LRIG1: variants seen among roughly 807,000 people sequenced by gnomAD.
LRIG1 encodes the protein leucine-rich repeats and immunoglobulin-like domains protein 1.
A neutral mutation model predicts 99.2 loss-of-function variants in LRIG1; 48 were observed. The ratio of observed to expected loss-of-function variants is 0.48; its 90% CI spans 0.38 to 0.62. LRIG1 has a LOEUF of 0.62. Ranked by LOEUF, LRIG1 falls within the 20% of genes least tolerant of loss-of-function variation. The probability of loss-of-function intolerance (pLI) is 0.00; values close to 1 mark genes in which losing one functional copy is unlikely to be tolerated. For missense variants in LRIG1, 1,646 were observed against 1,434.4 expected (o/e 1.15, Z -2.38); for synonymous variants, 772 against 596.1 (o/e 1.29, Z -4.30).
chr3:66,412,876 A>C lies in LRIG1; in HGVS notation c.786T>G (p.His262Gln). The change falls in exon 6 of 19, where the codon CAT (histidine) becomes CAG (glutamine). Residue 262 changes from histidine to glutamine, a missense_variant. Coordinates refer to ENST00000273261, the MANE Select transcript of LRIG1 (RefSeq NM_015541.3). ...DGAFWGLSKM[H>Q]VLHLEYNSLV... The stretch of plus-strand genomic sequence containing the variant: ...GTAACCTGGTCCGCACTTACAGCAC[A>C]TGCATCTTGGACAGTCCCCAGAAGG... 6.2e-7 allele frequency: 1 copy of C among 1,614,092 alleles called. No homozygotes were observed. The highest frequency in any genetic ancestry group is 8.5e-7 in the Non-Finnish European group (1 of 1,179,986).
intron 1 of LRIG1, among the ~76,000 whole-genome samples, chr3:66,493,710 T>C (rs1701156188): frequency 6.6e-6 from 1 of 151,990 alleles, no homozygotes; most frequent in Admixed American, 6.6e-5. Flanking sequence ...ATGGGAGGAC[T>C]GCTTGAGCCC....
chr3:66,393,105 C>G (rs967420383), intron 12 of LRIG1, among the ~76,000 whole-genome samples: 1 of 152,138 alleles, frequency 6.6e-6, no homozygotes, highest in Admixed American at 6.5e-5. Flanking sequence ...AGCAGGCACA[C>G]TGGCTACTCC....
chr3:66,392,686 C>T (rs912579180), intron 12 of LRIG1, among the ~76,000 whole-genome samples: 1 of 152,108 alleles, frequency 6.6e-6, no homozygotes, highest in Non-Finnish European at 1.5e-5. Context: ...TATGCCAGGG[C>T]CACAGGCTGG....
intron 1 of LRIG1, among the ~76,000 whole-genome samples, chr3:66,487,710 G>GT (rs1413921506): frequency 3.3e-5 from 5 of 152,284 alleles, no homozygotes; most frequent in Non-Finnish European, 7.3e-5. Flanking sequence ...GACCAAGTGA[G>GT]TAACAGGGAG....
chr3:66,456,093 T>C (rs1170553309), intron 2 of LRIG1, among the ~76,000 whole-genome samples: 1 of 152,226 alleles, frequency 6.6e-6, no homozygotes, highest in Non-Finnish European at 1.5e-5. Flanking sequence ...AGACATATCT[T>C]GGTTCACTCA....
intron 1 of LRIG1, among the ~76,000 whole-genome samples, chr3:66,487,738 C>T (rs1701007243): frequency 6.6e-6 from 1 of 152,172 alleles, no homozygotes; most frequent in African/African-American, 2.4e-5. Flanking sequence ...GACACTGACA[C>T]ACGAGGCTCG....
At chr3:66,455,508 C>T (rs1331197827) in intron 2 of LRIG1, among the ~76,000 whole-genome samples, 1 of 152,136 alleles carries the variant, frequency 6.6e-6, no homozygotes, top group Non-Finnish European at 1.5e-5. Context: ...CTCCACTATT[C>T]GTTTAACTGG....
At chr3:66,381,771 A>T (rs1701082491) in intron 16 of LRIG1, 140 bp from the exon 17 acceptor site, 2 of 924,824 alleles carry the variant, frequency 2.2e-6, no homozygotes, top group Admixed American at 4.9e-5. Flanking sequence ...TGGTCTGGCA[A>T]GCAGCGTGTT....
At position 66,500,218 on chromosome 3, in the gene LRIG1, C is replaced by T; in HGVS notation, c.190G>A (p.Gly64Arg). Residue 64 changes from glycine to arginine, a missense_variant, in exon 1 of 19, where the codon GGG (glycine) becomes AGG (arginine). Coordinates refer to ENST00000273261, the MANE Select transcript of LRIG1 (RefSeq NM_015541.3). ...CGGRGLAALP[G>R]DLPSWTRSLN... is the part of the protein sequence containing the mutation. The stretch of plus-strand genomic sequence containing the variant: ...CTCCGCGTCCAGGAGGGCAGGTCCC[C>T]GGGCAACGCAGCCAGCCCGCGCCCA... The T allele has an allele frequency of 3.3e-6, 5 of 1,513,388 alleles. No homozygotes were observed. Among genetic ancestry groups the T allele is most frequent in the Non-Finnish European group, 4.4e-6 (5 of 1,137,512 alleles). 93.7% of individuals were successfully genotyped at this position (1,513,388 alleles called of 1,614,324 possible).
chr3:66,434,756 A>T (rs757575270), intron 3 of LRIG1, among the ~76,000 whole-genome samples: 31 of 84,848 alleles, frequency 3.7e-4, no homozygotes, highest in African/African-American at 1.1e-3. Context: ...CAAAAAAATT[A>T]AAAAAAAAAA....
At chr3:66,392,536 A>G (rs1401037881) in intron 12 of LRIG1, among the ~76,000 whole-genome samples, 8 of 151,358 alleles carry the variant, frequency 5.3e-5, no homozygotes, top group Non-Finnish European at 1.2e-4. Context: ...AGACTCCCAT[A>G]AAGCCTGAAA....
intron 2 of LRIG1, among the ~76,000 whole-genome samples, chr3:66,452,551 G>A (rs146924369): frequency 3.7e-4 from 57 of 152,294 alleles, no homozygotes; most frequent in East Asian, 9.7e-4. Flanking sequence ...TTGTACTTGC[G>A]ATGCAAAGTC....
At chr3:66,496,785 T>G (rs1303101700) in intron 1 of LRIG1, among the ~76,000 whole-genome samples, 1 of 152,206 alleles carries the variant, frequency 6.6e-6, no homozygotes, top group African/African-American at 2.4e-5. Context: ...AATTTGGTGA[T>G]CTGCACTTTA....
In LRIG1 at chr3:66,418,837, TG is replaced by T. The variant is rs528846946; in HGVS notation, c.366-1572del. On this transcript the variant is annotated intron_variant, in intron 3 of 18. Coordinates refer to ENST00000273261, the MANE Select transcript of LRIG1 (RefSeq NM_015541.3). ...TTTTTTTCATGCGTCTCCCAGGCCC[TG>T]AACTCGAAAGTCCATTTCCAAGGGT... Among the ~76,000 whole-genome samples the T allele has an allele frequency of 1.6e-4, 24 of 152,236 alleles. No individual in the cohort carries two copies. In the South Asian group the frequency reaches 5.0e-3, roughly 32 times the overall value.
Position 66,384,099 on chromosome 3 carries a change from C to G in LRIG1, c.1963G>C (p.Asp655His). 3 of 1,614,156 alleles carry G rather than the reference C, an allele frequency of 1.9e-6. No individual in the cohort carries two copies. The highest frequency in any genetic ancestry group is 2.2e-5 in the East Asian group (1 of 44,870). The change falls in exon 14 of 19, where the codon GAC becomes CAC. Residue 655 changes from aspartate to histidine, a missense_variant. Asp to His is a moderately conservative substitution (Grantham distance 81, BLOSUM62 -1). Coordinates refer to ENST00000273261, the MANE Select transcript of LRIG1 (RefSeq NM_015541.3). ...ERRMHVMPDD[D>H]VFFITDVKID... is the part of the protein sequence containing the mutation. ...TTCACATCAGTGATGAAAAACACGT[C>G]GTCATCCGGCATGACATGCATGCGT...
At chr3:66,497,704 C>CAAAAAAAAAAA (rs71616223) in intron 1 of LRIG1, among the ~76,000 whole-genome samples, 1 of 89,264 alleles carries the variant, frequency 1.1e-5, no homozygotes, top group Non-Finnish European at 2.0e-5. Flanking sequence ...GCACTGTTTA[C>CAAAAAAAAAAA]AAAAAAAAAA....
chr3:66,405,122 G>A, intron 9 of LRIG1, 76 bp downstream of exon 9: 6 of 1,301,382 alleles, frequency 4.6e-6, no homozygotes, highest in South Asian at 2.4e-5. Context: ...GAGGCGCGGG[G>A]GGCGCCACAG....
In LRIG1 at chr3:66,407,494, G is replaced by A; in HGVS notation, c.936-3C>T. Reference sequence around the variant, plus strand: ...TCAGGTTGTTGAAGGACAGGACCCTGAGGAAAGGGAGGGCAGCAATGTCAC... The same window carrying A: ...TCAGGTTGTTGAAGGACAGGACCCTAAGGAAAGGGAGGGCAGCAATGTCAC... On this transcript the variant is annotated splice_polypyrimidine_tract_variant and splice_region_variant and intron_variant, in intron 7 of 18. Transcript: ENST00000273261. The A allele has an allele frequency of 6.2e-7, 1 of 1,613,720 alleles. No homozygotes were observed. The highest frequency in any genetic ancestry group is 1.7e-4 in the Middle Eastern group (1 of 6,014).
chr3:66,476,562 T>C (rs1229899749), intron 1 of LRIG1, among the ~76,000 whole-genome samples: 1 of 152,140 alleles, frequency 6.6e-6, no homozygotes, highest in Non-Finnish European at 1.5e-5. Flanking sequence ...AAATCCCCTT[T>C]TTCCAAGATG....
Sources: allele counts gnomAD v4.1 joint callset (sites outside exome capture counted in the v4.1 genomes callset), GRCh38; gene constraint gnomAD v4.1.1; transcripts MANE v1.5; gene names NCBI Gene and HGNC (gene_info 2026-07-23, HGNC 2026-07-21).